RANBP2: variants seen among roughly 807,000 people sequenced by gnomAD.
RANBP2 encodes RAN binding protein 2, also known as E3 SUMO-protein ligase RanBP2.
In RANBP2, 57 loss-of-function variants were observed where a neutral mutation model predicts 303.6. The observed-to-expected ratio is 0.19, with a 90% CI of 0.15 to 0.23. The LOEUF (loss-of-function observed/expected upper bound fraction) is 0.23. Ranked by LOEUF, RANBP2 falls within the 10% of genes least tolerant of loss-of-function variation. The probability of loss-of-function intolerance (pLI) is 1.00; values close to 1 mark genes in which losing one functional copy is unlikely to be tolerated. For missense variants in RANBP2, 3,138 were observed against 3,780.8 expected (o/e 0.83, Z 4.46); for synonymous variants, 1,167 against 1,301.5 (o/e 0.90, Z 2.23).
chr2:109,343,733 G>T, the RANBP2 span, among the ~76,000 whole-genome samples: 1 of 146,030 alleles, frequency 6.8e-6, no homozygotes, highest in African/African-American at 2.5e-5. Context: ...CCCTGCTCCT[G>T]CCCTGGTTTC....
At chr2:109,343,365 CT>C in the RANBP2 span, among the ~76,000 whole-genome samples, 1,589 of 150,710 alleles carry the variant, frequency 0.011, 25 homozygotes, top group African/African-American at 0.036. Flanking sequence ...TTCCTTGACT[CT>C]TTTTTTTTTC....
the RANBP2 span, among the ~76,000 whole-genome samples, chr2:109,315,908 A>G: frequency 1.3e-5 from 2 of 152,146 alleles, no homozygotes; most frequent in Non-Finnish European, 2.9e-5. Context: ...CGACCAGCAT[A>G]GGTCTGTGTC....
the RANBP2 span, chr2:108,882,544 T>G: frequency 6.6e-6 from 1 of 152,220 alleles, no homozygotes; most frequent in Non-Finnish European, 1.5e-5. Context: ...CTTTATCTCA[T>G]TCTCTTGTTT....
Position 108,782,141 on chromosome 2 carries a change from C to A in RANBP2, c.8774C>A (p.Ser2925Tyr). 6.2e-7 allele frequency: 1 copy of A among 1,613,994 alleles called. No homozygotes were observed. The highest frequency in any genetic ancestry group is 8.5e-7 in the Non-Finnish European group (1 of 1,179,972). The change falls in exon 27 of 29, where the codon TCT becomes TAT. Residue 2925 changes from serine (S) to tyrosine (Y), a missense_variant. Around this residue, in one of 20 missense-constraint regions of RANBP2, gnomAD observed 68 missense variants for 117.4 expected, o/e 0.58. Coordinates refer to ENST00000283195, the MANE Select transcript of RANBP2 (RefSeq NM_006267.5). ...IVSLPEVEVK[S>Y]GEEDEEILFK... The stretch of plus-strand genomic sequence containing the variant: ...CTCCTATTATAGGTAGAAGTAAAAT[C>A]TGGAGAAGAAGATGAAGAAATTTTG...
At chr2:109,498,000 C>T in the RANBP2 span, among the ~76,000 whole-genome samples, 1 of 152,168 alleles carries the variant, frequency 6.6e-6, no homozygotes, top group Non-Finnish European at 1.5e-5. Context: ...ATCCTGTGGG[C>T]CCTCGCAGCC....
chr2:108,796,209 C>G, the RANBP2 span, among the ~76,000 whole-genome samples: 1 of 151,700 alleles, frequency 6.6e-6, no homozygotes, highest in Non-Finnish European at 1.5e-5. Flanking sequence ...CCACCGCGCC[C>G]GGCTAATTTT....
At chr2:109,623,191 T>C in the RANBP2 span, among the ~76,000 whole-genome samples, 1,453 of 152,316 alleles carry the variant, frequency 9.5e-3, 62 homozygotes, top group East Asian at 0.12. Flanking sequence ...GGGAGTGTTA[T>C]GTTTGTTCTA....
chr2:109,579,818 A>AAAAT, the RANBP2 span, among the ~76,000 whole-genome samples: 8 of 152,082 alleles, frequency 5.3e-5, no homozygotes, highest in African/African-American at 1.7e-4. Context: ...ATCTTGATTT[A>AAAAT]AAATAAATAA....
At chr2:109,079,239 A>G in the RANBP2 span, among the ~76,000 whole-genome samples, 2 of 152,116 alleles carry the variant, frequency 1.3e-5, no homozygotes, top group Non-Finnish European at 2.9e-5. Context: ...TGAATAGTAA[A>G]TACGGTTTCT....
At chr2:109,040,196 A>G in the RANBP2 span, among the ~76,000 whole-genome samples, 1 of 152,192 alleles carries the variant, frequency 6.6e-6, no homozygotes. Flanking sequence ...GTTCCAGTAC[A>G]ATTTATTGAA....
the RANBP2 span, among the ~76,000 whole-genome samples, chr2:109,388,137 C>T: frequency 6.6e-6 from 1 of 152,182 alleles, no homozygotes; most frequent in Admixed American, 6.5e-5. Flanking sequence ...CTCTCCATGA[C>T]CTTGAAATAC....
At chr2:109,467,978 C>A in the RANBP2 span, among the ~76,000 whole-genome samples, 1 of 152,238 alleles carries the variant, frequency 6.6e-6, no homozygotes, top group African/African-American at 2.4e-5. Flanking sequence ...GGCAGAGAGA[C>A]CCTGGAGGAC....
chr2:109,410,292 C>T, the RANBP2 span, among the ~76,000 whole-genome samples: 4 of 152,324 alleles, frequency 2.6e-5, no homozygotes, highest in South Asian at 8.3e-4. Flanking sequence ...GCAGCTCCAG[C>T]GCTGTGTGCC....
chr2:109,289,809 G>A, the RANBP2 span, among the ~76,000 whole-genome samples: 1 of 152,108 alleles, frequency 6.6e-6, no homozygotes, highest in Non-Finnish European at 1.5e-5. Context: ...CTTAAAAACT[G>A]GGGAAATCGG....
At chr2:108,853,953 AATAT>A in the RANBP2 span, among the ~76,000 whole-genome samples, 2 of 120,796 alleles carry the variant, frequency 1.7e-5, no homozygotes, top group Admixed American at 1.1e-4. Flanking sequence ...ATATACAATA[AATAT>A]ATATAATAAA....
chr2:108,972,687 G>A, the RANBP2 span, among the ~76,000 whole-genome samples: 7 of 152,252 alleles, frequency 4.6e-5, no homozygotes, highest in Admixed American at 2.0e-4. Flanking sequence ...AGAACTTGAC[G>A]TGATCATTTG....
At chr2:109,506,023 A>G in the RANBP2 span, among the ~76,000 whole-genome samples, 1 of 152,154 alleles carries the variant, frequency 6.6e-6, no homozygotes, top group Admixed American at 6.5e-5. Flanking sequence ...CACGTACTTC[A>G]CTGCCTGTTT....
In RANBP2 at chr2:108,771,818, C is replaced by T; in HGVS notation, c.7967C>T (p.Thr2656Ile). 1 of 1,614,054 alleles carries T rather than the reference C, an allele frequency of 6.2e-7. No homozygotes were observed. Among genetic ancestry groups the T allele is most frequent in the Admixed American group, 1.7e-5 (1 of 60,006 alleles). Residue 2656 changes from threonine (T) to isoleucine (I), a missense_variant, in exon 21 of 29, where the codon ACT (threonine) becomes ATT (isoleucine). This residue lies in a region of RANBP2 where 497 missense variants were observed against 465.8 expected (regional missense o/e 1.07). Coordinates refer to ENST00000283195, the MANE Select transcript of RANBP2 (RefSeq NM_006267.5). ...ALATKLKLPPTFFCYKNRPDY... is the reference protein window; with the variant it reads ...ALATKLKLPPIFFCYKNRPDY... ...GCAACCAAACTTAAACTTCCTCCAA[C>T]TTTCTTCTGCTACAAGAATAGACCA...
chr2:108,978,564 C>T, the RANBP2 span, among the ~76,000 whole-genome samples: 3 of 152,014 alleles, frequency 2.0e-5, no homozygotes, highest in Non-Finnish European at 4.4e-5. Context: ...TTCAGAGCAC[C>T]GAGGAAAAGT....
Sources: gnomAD v4.1 joint callset for allele counts (sites outside exome capture counted in the v4.1 genomes callset) on GRCh38, gnomAD v4.1.1 for gene constraint, gnomAD v4.1.1 regional missense constraint, MANE v1.5 for transcripts, NCBI Gene and HGNC (gene_info 2026-07-23, HGNC 2026-07-21) for gene names.